Variants in PRKD1 observed in about 807,000 individuals in gnomAD.
PRKD1 encodes the protein protein kinase D1.
In PRKD1, 63 loss-of-function variants were observed where a neutral mutation model predicts 95.9. The ratio of observed to expected loss-of-function variants is 0.66; its 90% confidence interval spans 0.54 to 0.81. PRKD1 has a LOEUF of 0.81. Among genes scored for constraint, PRKD1 ranks in the 30% least tolerant of loss-of-function variants. The pLI is 0.00. For missense variants in PRKD1, 1,048 were observed against 1,165.3 expected, an observed-to-expected ratio of 0.90 and a Z score of 1.47; for synonymous variants, 425 against 423.1, an observed-to-expected ratio of 1.00 and a Z score of -0.05.
intron 4 of PRKD1, among the ~76,000 whole-genome samples, chr14:29,642,060 C>T (rs112876081): frequency 0.028 from 4,315 of 151,970 alleles, 182 homozygotes; most frequent in African/African-American, 0.091. Flanking sequence ...TGTGCCACCA[C>T]GCCCGGCTAA....
At chr14:29,698,402 G>C (rs968993182) in intron 2 of PRKD1, among the ~76,000 whole-genome samples, 1 of 152,026 alleles carries the variant, frequency 6.6e-6, no homozygotes, top group Non-Finnish European at 1.5e-5. Flanking sequence ...TATCAAGCTT[G>C]ACAAGAGAGA....
At chr14:29,624,919 A>C (rs1036010472) in intron 12 of PRKD1, among the ~76,000 whole-genome samples, 2 of 152,208 alleles carry the variant, frequency 1.3e-5, no homozygotes, top group African/African-American at 4.8e-5. Flanking sequence ...AGCACCCCCA[A>C]GTTCTTAACT....
intron 1 of PRKD1, among the ~76,000 whole-genome samples, chr14:29,773,720 T>C (rs1430123955): frequency 6.6e-6 from 1 of 152,202 alleles, no homozygotes; most frequent in Non-Finnish European, 1.5e-5. Flanking sequence ...TGACCATTGC[T>C]AGTAAATGGA....
At chr14:29,791,945 A>G (rs886927109) in intron 1 of PRKD1, among the ~76,000 whole-genome samples, 1 of 152,100 alleles carries the variant, frequency 6.6e-6, no homozygotes, top group African/African-American at 2.4e-5. Context: ...GTGGTATTGT[A>G]TGTTCTCACC....
intron 7 of PRKD1, among the ~76,000 whole-genome samples, chr14:29,635,385 T>C (rs537083761): frequency 1.2e-4 from 18 of 152,204 alleles, no homozygotes; most frequent in African/African-American, 4.3e-4. Context: ...CCCGGCACCA[T>C]GCAAACTCTT....
intron 1 of PRKD1, among the ~76,000 whole-genome samples, chr14:29,879,303 A>G (rs1308050395): frequency 6.6e-6 from 1 of 152,196 alleles, no homozygotes; most frequent in Non-Finnish European, 1.5e-5. Context: ...GGCGCGGGTA[A>G]TTTAATCCTG....
rs1483582570 is a variant in PRKD1 at position 29,927,414 on chromosome 14, G to A, written c.99C>T (p.Pro33=). Residue 33 remains proline (P), a synonymous_variant, in exon 1 of 18, where the codon CCC becomes CCT. Coordinates refer to ENST00000331968, the MANE Select transcript of PRKD1 (RefSeq NM_002742.3). The stretch of plus-strand genomic sequence containing the variant: ...CAGGAGCCAAGAACGGCGCGGGCCC[G>A]GGCCCGGACCCTGGGACCAGTGCGG... ...AAAALVPGSG[P]GPAPFLAPVA... 4.0e-6 allele frequency: 6 copies of A among 1,485,026 alleles called. No homozygotes were observed. Among genetic ancestry groups the A allele is most frequent in the East Asian group, 2.9e-5 (1 of 34,424 alleles). The allele number at this position is 1,485,026 out of a possible 1,614,324, so 92.0% of individuals were successfully genotyped here.
rs905185522 is a variant in PRKD1 at position 29,599,738 on chromosome 14, A to G, written c.1985T>C (p.Leu662Pro). The G allele has an allele frequency of 5.6e-6, 9 of 1,613,368 alleles. No homozygotes were observed. The highest frequency in any genetic ancestry group is 1.3e-5 in the African/African-American group (1 of 74,910). Residue 662 changes from leucine (L) to proline (P), a missense_variant, in exon 14 of 18, where the codon CTC becomes CCC. Leu to Pro is a moderately conservative substitution (Grantham distance 98). Around this residue, in one of 3 missense-constraint regions of PRKD1, gnomAD observed 739 missense variants for 861.9 expected, o/e 0.86. Coordinates refer to ENST00000331968, the MANE Select transcript of PRKD1 (RefSeq NM_002742.3). ...GATCATTTCCAGCATGTCTCCATGGAGTTTTTCCATAACAACAAACACTCT... is the reference window on the plus strand; with the variant it reads ...GATCATTTCCAGCATGTCTCCATGGGGTTTTTCCATAACAACAAACACTCT... The part of the protein sequence containing the change: ...PERVFVVMEK[L>P]HGDMLEMILS...
chr14:29,808,249 C>T (rs971931566), intron 1 of PRKD1, among the ~76,000 whole-genome samples: 1 of 151,900 alleles, frequency 6.6e-6, no homozygotes, highest in African/African-American at 2.4e-5. Flanking sequence ...GAATCTTCAC[C>T]AGGAGTAGAT....
intron 1 of PRKD1, among the ~76,000 whole-genome samples, chr14:29,773,802 G>A (rs1397969806): frequency 6.6e-6 from 1 of 152,096 alleles, no homozygotes; most frequent in East Asian, 1.9e-4. Context: ...AATGTACCCA[G>A]GCAACCTGGA....
chr14:29,821,474 TC>T (rs1890908800), intron 1 of PRKD1, among the ~76,000 whole-genome samples: 1 of 152,160 alleles, frequency 6.6e-6, no homozygotes. Context: ...TGTTTTCTGT[TC>T]TATCTGAATA....
chr14:29,623,886 G>A (rs956234194), intron 13 of PRKD1, among the ~76,000 whole-genome samples: 2 of 152,092 alleles, frequency 1.3e-5, no homozygotes, highest in African/African-American at 4.8e-5. Flanking sequence ...TGTCCACTAT[G>A]AGCAAATGCT....
intron 1 of PRKD1, among the ~76,000 whole-genome samples, chr14:29,882,901 C>A (rs542544319): frequency 1.1e-4 from 17 of 152,076 alleles, no homozygotes; most frequent in Admixed American, 2.0e-4. Flanking sequence ...TTTTGTTTAG[C>A]CATTCGTCCA....
chr14:29,840,436 T>C (rs1053275294), intron 1 of PRKD1, among the ~76,000 whole-genome samples: 1 of 152,154 alleles, frequency 6.6e-6, no homozygotes, highest in African/African-American at 2.4e-5. Flanking sequence ...TTCCAAACTT[T>C]CCCACATTTC....
chr14:29,632,314 G>A (rs1279323197), intron 9 of PRKD1, among the ~76,000 whole-genome samples: 3 of 151,942 alleles, frequency 2.0e-5, no homozygotes, highest in African/African-American at 4.8e-5. Flanking sequence ...GAAGGAGCAA[G>A]TATCTATTAT....
intron 2 of PRKD1, among the ~76,000 whole-genome samples, chr14:29,676,005 A>G (rs12323725): frequency 0.43 from 60,237 of 138,552 alleles, 14,567 homozygotes; most frequent in African/African-American, 0.62. Context: ...GGGAGGGATA[A>G]CATTAGGAGA....
intron 2 of PRKD1, among the ~76,000 whole-genome samples, chr14:29,712,228 G>A (rs1254720345): frequency 1.3e-5 from 2 of 151,998 alleles, no homozygotes; most frequent in Non-Finnish European, 2.9e-5. Flanking sequence ...TTAGTATGTG[G>A]GAGAAAATTC....
intron 2 of PRKD1, among the ~76,000 whole-genome samples, chr14:29,708,824 C>T (rs1885207260): frequency 6.6e-6 from 1 of 152,166 alleles, no homozygotes; most frequent in South Asian, 2.1e-4. Context: ...GTTCACACCA[C>T]TGCACTCCAA....
chr14:29,577,606 T>C (rs2138939636), intron 17 of PRKD1, 150 bp from the exon 18 acceptor site: 1 of 761,932 alleles, frequency 1.3e-6, no homozygotes, highest in South Asian at 1.7e-5. Flanking sequence ...CAAGTGACAG[T>C]GTCGGCACCA....
Sources: gnomAD v4.1 joint callset for allele counts (sites outside exome capture counted in the v4.1 genomes callset) on GRCh38, gnomAD v4.1.1 for gene constraint, gnomAD v4.1.1 regional missense constraint, MANE v1.5 for transcripts, NCBI Gene and HGNC (gene_info 2026-07-23, HGNC 2026-07-21) for gene names.